Variants in HHAT observed in about 807,000 individuals in gnomAD.
HHAT encodes protein-cysteine N-palmitoyltransferase HHAT.
HHAT carries 47 observed loss-of-function variants against 70.8 expected under a neutral mutation model. The ratio of observed to expected loss-of-function variants is 0.66; its 90% CI spans 0.53 to 0.85. The LOEUF (loss-of-function observed/expected upper bound fraction) is 0.85, where lower values mean the gene tolerates loss of function less well. Ranked by LOEUF, HHAT falls within the 40% of genes least tolerant of loss-of-function variation. The probability of loss-of-function intolerance (pLI) is 0.00; values close to 1 mark genes in which losing one functional copy is unlikely to be tolerated. For missense variants in HHAT, 609 were observed against 604.8 expected (o/e 1.01, Z -0.07); for synonymous variants, 228 against 247.6 (o/e 0.92, Z 0.74).
chr1:210,668,831 TG>T (rs1387240559), intron 11 of HHAT, among the ~76,000 whole-genome samples: 2 of 152,232 alleles, frequency 1.3e-5, no homozygotes, highest in African/African-American at 4.8e-5. Context: ...TGGAGTGCAG[TG>T]GTGCAATCTC....
At chr1:210,631,453 A>G (rs1005316610) in intron 11 of HHAT, among the ~76,000 whole-genome samples, 1 of 152,204 alleles carries the variant, frequency 6.6e-6, no homozygotes, top group African/African-American at 2.4e-5. Flanking sequence ...ACACACCTAC[A>G]ACTCTTTATC....
At chr1:210,390,164 GA>G (rs1301029849) in intron 4 of HHAT, among the ~76,000 whole-genome samples, 3 of 151,948 alleles carry the variant, frequency 2.0e-5, no homozygotes, top group East Asian at 3.9e-4. Flanking sequence ...CAGACTAGAT[GA>G]AAAAAAGAAA....
At chr1:210,531,316 T>C (rs1474463228) in intron 9 of HHAT, among the ~76,000 whole-genome samples, 1 of 152,248 alleles carries the variant, frequency 6.6e-6, no homozygotes, top group African/African-American at 2.4e-5. Context: ...GTGTGTGTTA[T>C]AGAACAGTCT....
chr1:210,345,863 CT>C (rs2086474370), intron 1 of HHAT, among the ~76,000 whole-genome samples: 1 of 151,908 alleles, frequency 6.6e-6, no homozygotes, highest in African/African-American at 2.4e-5. Flanking sequence ...GTGGGCGGAT[CT>C]CCTGAGCTTA....
chr1:210,600,928 C>A (rs1330653331), intron 10 of HHAT, among the ~76,000 whole-genome samples: 1 of 152,062 alleles, frequency 6.6e-6, no homozygotes. Context: ...TCTCCTCTCC[C>A]AGCCTGGCCT....
intron 8 of HHAT, among the ~76,000 whole-genome samples, chr1:210,486,663 C>A (rs190960715): frequency 9.7e-4 from 148 of 152,270 alleles, no homozygotes; most frequent in African/African-American, 3.5e-3. Flanking sequence ...AAGGGACTTG[C>A]CCCCAGTATT....
chr1:210,354,195 C>CT lies in HHAT; in HGVS notation c.91+5156dup, dbSNP rs71146220. Among the ~76,000 whole-genome samples the CT allele has an allele frequency of 8.9e-3, 916 of 102,562 alleles. 54 individuals carry two copies. Among genetic ancestry groups the CT allele is most frequent in the East Asian group, 0.027 (96 of 3,510 alleles). The allele number at this position is 102,562 out of a possible 152,430, so 67.3% of individuals were successfully genotyped here. On this transcript the variant is annotated intron_variant, in intron 2 of 11. Coordinates refer to ENST00000261458, the MANE Select transcript of HHAT (RefSeq NM_018194.6). ...ACAAATAGATAACTAAACATAATGT[C>CT]TTTTTTTTTTTTTTTTTTTTTTTTT...
chr1:210,565,459 A>G (rs1348661361), intron 9 of HHAT, among the ~76,000 whole-genome samples: 1 of 152,206 alleles, frequency 6.6e-6, no homozygotes, highest in East Asian at 1.9e-4. Flanking sequence ...GATGATGCAA[A>G]TATATGGTTA....
chr1:210,372,181 G>T (rs1219241274), intron 3 of HHAT, among the ~76,000 whole-genome samples: 1 of 152,224 alleles, frequency 6.6e-6, no homozygotes, highest in Non-Finnish European at 1.5e-5. Context: ...CTGCCTGAAA[G>T]CTGGCCCTGG....
intron 11 of HHAT, among the ~76,000 whole-genome samples, chr1:210,653,257 T>C (rs925862135): frequency 6.6e-5 from 10 of 152,176 alleles, no homozygotes; most frequent in Non-Finnish European, 1.3e-4. Context: ...AAAAGTCAAC[T>C]ACCAGCTGGG....
intron 4 of HHAT, among the ~76,000 whole-genome samples, chr1:210,398,397 G>A (rs1476455188): frequency 6.6e-6 from 1 of 152,130 alleles, no homozygotes; most frequent in Non-Finnish European, 1.5e-5. Flanking sequence ...ATTAAGTGTC[G>A]TCTGCCTGTA....
chr1:210,495,110 G>C (rs1418616084), intron 8 of HHAT, among the ~76,000 whole-genome samples: 1 of 152,098 alleles, frequency 6.6e-6, no homozygotes, highest in Admixed American at 6.5e-5. Flanking sequence ...AGAAGGAGCA[G>C]CCAGTGAGTT....
chr1:210,363,343 C>T (rs572504393), intron 3 of HHAT, among the ~76,000 whole-genome samples: 66 of 152,320 alleles, frequency 4.3e-4, no homozygotes, highest in African/African-American at 1.5e-3. Flanking sequence ...TCACATCCCT[C>T]GTCCCTCTGG....
intron 11 of HHAT, among the ~76,000 whole-genome samples, chr1:210,666,767 AGCCACCATGCCTG>A (rs558581502): frequency 1.1e-3 from 165 of 152,014 alleles, no homozygotes; most frequent in South Asian, 6.7e-3. Context: ...TATAGGCATG[AGCCACCATGCCTG>A]GCCTACCATC....
intron 9 of HHAT, among the ~76,000 whole-genome samples, chr1:210,562,500 T>A (rs562406242): frequency 1.3e-5 from 2 of 152,202 alleles, no homozygotes; most frequent in Non-Finnish European, 2.9e-5. Context: ...TTCCTTTTGC[T>A]TCTTTGAGAT....
intron 11 of HHAT, among the ~76,000 whole-genome samples, chr1:210,654,189 G>T (rs1336388560): frequency 8.8e-6 from 1 of 113,232 alleles, no homozygotes; most frequent in Non-Finnish European, 1.9e-5. Context: ...TGTGATGGCG[G>T]AATAGTGTGA....
At chr1:210,620,899 T>G (rs1668686579) in intron 10 of HHAT, among the ~76,000 whole-genome samples, 1 of 151,946 alleles carries the variant, frequency 6.6e-6, no homozygotes, top group African/African-American at 2.4e-5. Context: ...TTGACTTTTT[T>G]TTTTTTTCCT....
chr1:210,652,452 C>T (rs1294189706), intron 11 of HHAT, among the ~76,000 whole-genome samples: 2 of 152,230 alleles, frequency 1.3e-5, no homozygotes, highest in East Asian at 3.9e-4. Context: ...GGGCAGAACC[C>T]GGGGCCCACT....
intron 4 of HHAT, among the ~76,000 whole-genome samples, chr1:210,397,475 C>A (rs981790970): frequency 2.6e-5 from 4 of 151,830 alleles, no homozygotes; most frequent in African/African-American, 7.3e-5. Context: ...GCTCTTATTA[C>A]CCTGAGAACT....
Sources: gnomAD v4.1 joint callset for allele counts (sites outside exome capture counted in the v4.1 genomes callset) on GRCh38, gnomAD v4.1.1 for gene constraint, MANE v1.5 for transcripts, NCBI Gene and HGNC (gene_info 2026-07-23, HGNC 2026-07-21) for gene names.